Variants in PRKCE observed in about 807,000 individuals in gnomAD.
PRKCE encodes the protein protein kinase C epsilon.
A neutral mutation model predicts 85.4 loss-of-function variants in PRKCE; 16 were observed. The ratio of observed to expected loss-of-function variants is 0.19; its 90% confidence interval spans 0.13 to 0.28. The LOEUF is 0.28. PRKCE is among the 10% of genes least tolerant of loss of function. The probability of loss-of-function intolerance (pLI) is 1.00; values close to 1 mark genes in which losing one functional copy is unlikely to be tolerated. For synonymous variants in PRKCE, 388 were observed against 371.5 expected (o/e 1.04, Z -0.51); for missense variants, 573 against 975.2 (o/e 0.59, Z 5.49).
intron 11 of PRKCE, among the ~76,000 whole-genome samples, chr2:46,095,247 G>A (rs960862461): frequency 1.2e-4 from 19 of 152,162 alleles, no homozygotes; most frequent in Admixed American, 7.2e-4. Context: ...GGAGTGCTTC[G>A]ATTACTCCCA....
intron 2 of PRKCE, among the ~76,000 whole-genome samples, chr2:45,863,831 G>A (rs1206958754): frequency 6.6e-6 from 1 of 152,072 alleles, no homozygotes; most frequent in African/African-American, 2.4e-5. Context: ...AGGGTGGGAA[G>A]GGCTAAGCTA....
chr2:45,748,890 A>ATGT (rs531966860), intron 1 of PRKCE, among the ~76,000 whole-genome samples: 1 of 145,332 alleles, frequency 6.9e-6, no homozygotes, highest in Non-Finnish European at 1.5e-5. Flanking sequence ...AGGGAACAGG[A>ATGT]TTTTTTTTTT....
intron 1 of PRKCE, among the ~76,000 whole-genome samples, chr2:45,734,549 G>A (rs1351346747): frequency 2.0e-5 from 3 of 152,306 alleles, no homozygotes; most frequent in East Asian, 3.9e-4. Context: ...GCAGCTTGAT[G>A]GTATGACTGG....
chr2:46,166,303 A>T (rs1353886987), intron 14 of PRKCE, among the ~76,000 whole-genome samples: 1 of 152,216 alleles, frequency 6.6e-6, no homozygotes, highest in Non-Finnish European at 1.5e-5. Flanking sequence ...TCATGACACC[A>T]TCCTCATCCT....
intron 2 of PRKCE, among the ~76,000 whole-genome samples, chr2:45,869,312 A>G (rs1372304623): frequency 6.6e-6 from 1 of 152,244 alleles, no homozygotes; most frequent in Non-Finnish European, 1.5e-5. Flanking sequence ...GATACTGTGC[A>G]TTCCGGCCAT....
chr2:45,721,098 C>T (rs1402299823), intron 1 of PRKCE, among the ~76,000 whole-genome samples: 2 of 152,148 alleles, frequency 1.3e-5, no homozygotes, highest in Non-Finnish European at 2.9e-5. Flanking sequence ...CACAGCGAGA[C>T]TCCATCTCAA....
chr2:45,984,459 C>T (rs1165021454), intron 5 of PRKCE, 92 bp from the exon 6 acceptor site: 10 of 1,533,942 alleles, frequency 6.5e-6, no homozygotes, highest in Non-Finnish European at 8.8e-6. Context: ...GACACAAGCT[C>T]TCTTGGAAAA....
At chr2:45,722,855 C>A (rs1204949515) in intron 1 of PRKCE, among the ~76,000 whole-genome samples, 1 of 152,202 alleles carries the variant, frequency 6.6e-6, no homozygotes, top group Non-Finnish European at 1.5e-5. Context: ...AATCCCAGCT[C>A]TTTGGGAGGC....
chr2:45,725,322 A>G (rs1193508784), intron 1 of PRKCE, among the ~76,000 whole-genome samples: 5 of 152,220 alleles, frequency 3.3e-5, no homozygotes, highest in Admixed American at 2.6e-4. Context: ...CAGTGCACCT[A>G]GTCAACCAGG....
At chr2:46,180,927 C>T (rs965427843) in intron 14 of PRKCE, among the ~76,000 whole-genome samples, 1 of 152,182 alleles carries the variant, frequency 6.6e-6, no homozygotes, top group African/African-American at 2.4e-5. Flanking sequence ...GTAGAAAAGG[C>T]TTCACGGATT....
chr2:46,142,334 G>A (rs556399766), intron 11 of PRKCE, among the ~76,000 whole-genome samples: 13 of 152,202 alleles, frequency 8.5e-5, no homozygotes, highest in Non-Finnish European at 1.6e-4. Flanking sequence ...AAGACCCCCA[G>A]AGAAATAGAA....
intron 10 of PRKCE, among the ~76,000 whole-genome samples, chr2:46,016,639 T>C (rs939907892): frequency 6.6e-6 from 1 of 152,282 alleles, no homozygotes; most frequent in African/African-American, 2.4e-5. Flanking sequence ...CTAGGTGCAG[T>C]GGCTCATGCC....
intron 2 of PRKCE, among the ~76,000 whole-genome samples, chr2:45,960,423 C>A (rs905470040): frequency 1.3e-5 from 2 of 152,200 alleles, no homozygotes; most frequent in Non-Finnish European, 2.9e-5. Context: ...GGACTGGTTT[C>A]ATGGAAGACA....
chr2:45,731,916 C>A (rs968827242), intron 1 of PRKCE, among the ~76,000 whole-genome samples: 12 of 152,198 alleles, frequency 7.9e-5, no homozygotes, highest in African/African-American at 2.9e-4. Flanking sequence ...ATTCCTGGAG[C>A]TTTTTACTGC....
At chr2:46,183,512 A>G (rs560478097) in intron 14 of PRKCE, among the ~76,000 whole-genome samples, 32 of 152,184 alleles carry the variant, frequency 2.1e-4, no homozygotes, top group Non-Finnish European at 3.7e-4. Flanking sequence ...GTATTGCTGG[A>G]GTCCCTGCCT....
intron 1 of PRKCE, among the ~76,000 whole-genome samples, chr2:45,744,410 TTCTTTTCTTTC>T (rs1682859533): frequency 1.3e-5 from 2 of 150,428 alleles, no homozygotes; most frequent in Non-Finnish European, 3.0e-5. Context: ...TCTCTTTCTT[TTCTTTTCTTTC>T]TTTCTTTCTT....
intron 2 of PRKCE, among the ~76,000 whole-genome samples, chr2:45,942,391 A>G (rs1699947901): frequency 6.6e-6 from 1 of 152,236 alleles, no homozygotes; most frequent in Admixed American, 6.5e-5. Context: ...AAAAAATCAT[A>G]TAGGCAGTAT....
intron 10 of PRKCE, among the ~76,000 whole-genome samples, chr2:46,063,543 C>T (rs1464707235): frequency 1.3e-5 from 2 of 152,134 alleles, no homozygotes. Context: ...CCTCAAAAAC[C>T]CACCTGATGG....
intron 14 of PRKCE, among the ~76,000 whole-genome samples, chr2:46,171,541 CAGCCTCGGGGTCAGAACA>C (rs1678897936): frequency 1.3e-5 from 2 of 152,220 alleles, no homozygotes; most frequent in African/African-American, 4.8e-5. Context: ...GCCAGGGGCA[CAGCCTCGGGGTCAGAACA>C]AGCTGATTCC....
Sources: gnomAD v4.1 joint callset for allele counts (sites outside exome capture counted in the v4.1 genomes callset) on GRCh38, gnomAD v4.1.1 for gene constraint, MANE v1.5 for transcripts, NCBI Gene and HGNC (gene_info 2026-07-23, HGNC 2026-07-21) for gene names.